The following RRM1 variants were observed in gnomAD, a reference collection of about 807,000 sequenced individuals.
RRM1 encodes ribonucleoside-diphosphate reductase large subunit.
Under a neutral mutation model 101.5 loss-of-function variants are expected in RRM1, and 19 were observed. The ratio of observed to expected loss-of-function variants is 0.19; its 90% CI spans 0.13 to 0.27. The LOEUF is 0.27. Among genes scored for constraint, RRM1 ranks in the 10% least tolerant of loss-of-function variants. The pLI is 1.00. For missense variants in RRM1, 500 were observed against 962.9 expected, an observed-to-expected ratio of 0.52 and a Z score of 6.36; for synonymous variants, 298 against 323.4, an observed-to-expected ratio of 0.92 and a Z score of 0.84.
At chr11:4,111,283 C>T (rs908343235) in intron 5 of RRM1, among the ~76,000 whole-genome samples, 2 of 151,562 alleles carry the variant, frequency 1.3e-5, no homozygotes, top group East Asian at 1.9e-4. Context: ...TGGTGGTGGG[C>T]GCCTGTAGTC....
At chr11:4,137,574 G>A (rs868074560) in intron 18 of RRM1, among the ~76,000 whole-genome samples, 2,460 of 20,454 alleles carry the variant, frequency 0.12, 939 homozygotes, top group East Asian at 0.44. Flanking sequence ...GGGCGGCCGG[G>A]CAGAGGGGCC....
intron 4 of RRM1, among the ~76,000 whole-genome samples, chr11:4,107,997 G>T (rs1326361032): frequency 2.0e-5 from 3 of 152,042 alleles, no homozygotes; most frequent in African/African-American, 7.2e-5. Flanking sequence ...TTGTATGGTA[G>T]GTGTTTTGCT....
rs540071392 is a variant in RRM1, at chr11:4,109,171, A to G, written c.388-473A>G. Among the ~76,000 whole-genome samples, 22 of 151,940 alleles carry G rather than the reference A, an allele frequency of 1.4e-4. 1 individual carries two copies. The highest frequency in any genetic ancestry group is 1.2e-3 in the South Asian group (6 of 4,830). On this transcript the variant is annotated intron_variant, in intron 4 of 18. Coordinates refer to ENST00000300738, the MANE Select transcript of RRM1 (RefSeq NM_001033.5). ...CCTGCTTCCTGTCATTGTTTATTAT[A>G]TATACTGTTATATACAGTTTGAAGT...
chr11:4,113,830 A>G (rs1469822987), intron 7 of RRM1, among the ~76,000 whole-genome samples: 1 of 152,178 alleles, frequency 6.6e-6, no homozygotes, highest in African/African-American at 2.4e-5. Flanking sequence ...AGTACCCTAT[A>G]AAAGATAAAA....
Position 4,127,065 on chromosome 11 carries a change from A to G in RRM1, c.1501A>G (p.Ile501Val). The change falls in exon 14 of 19, where the codon ATT becomes GTT. Residue 501 changes from isoleucine (I) to valine (V), a missense_variant. Ile to Val is a conservative substitution (Grantham distance 29). This residue lies in a region of RRM1 where 106 missense variants were observed against 138.1 expected (regional missense o/e 0.77). Coordinates refer to ENST00000300738, the MANE Select transcript of RRM1 (RefSeq NM_001033.5). ...CCTATCAAATAAACGCCATCGCCCC[A>G]TTGGAATTGGGGTACAAGGTCTGGC... Reference protein sequence around the residue: ...ACLSNKRHRPIGIGVQGLADA... With the variant: ...ACLSNKRHRPVGIGVQGLADA... 3.1e-6 allele frequency: 5 copies of G among 1,613,158 alleles called. No individual in the cohort carries two copies. Among genetic ancestry groups the G allele is most frequent in the Non-Finnish European group, 4.2e-6 (5 of 1,179,770 alleles).
At chr11:4,137,243 G>A (rs1218689096) in intron 18 of RRM1, 2 of 254,618 alleles carry the variant, frequency 7.9e-6, no homozygotes, top group African/African-American at 2.4e-5. Context: ...ATTCCACAAA[G>A]CCGCCATTGT....
chr11:4,118,278 T>A, intron 7 of RRM1, 42 bp from the exon 8 acceptor site: 1 of 1,588,576 alleles, frequency 6.3e-7, no homozygotes, highest in Non-Finnish European at 8.6e-7. Context: ...GTGACTCTGC[T>A]TCATTTCCTT....
At chr11:4,135,442 T>G (rs2094607818) in intron 18 of RRM1, among the ~76,000 whole-genome samples, 172 bp downstream of exon 18, 1 of 152,236 alleles carries the variant, frequency 6.6e-6, no homozygotes, top group Admixed American at 6.5e-5. Flanking sequence ...GGTCTTGCCT[T>G]GGATTTTCTT....
In RRM1 at chr11:4,108,261, C is replaced by T. The variant is rs1389989590; in HGVS notation, c.387+726C>T. ...CCTTTTACACACAGGATTTATTTAC[C>T]GTGTATATCTGGACAGATTAGAGAC... On this transcript the variant is annotated intron_variant, in intron 4 of 18. Coordinates refer to ENST00000300738, the MANE Select transcript of RRM1 (RefSeq NM_001033.5). 2.0e-5 allele frequency among the ~76,000 whole-genome samples: 3 copies of T among 152,042 alleles called. 1 individual carries two copies. The South Asian group carries it at 6.2e-4, about 32-fold the overall frequency.
At chr11:4,096,879 T>C (rs539950355) in intron 1 of RRM1, among the ~76,000 whole-genome samples, 209 of 152,154 alleles carry the variant, frequency 1.4e-3, no homozygotes, top group Non-Finnish European at 2.5e-3. Flanking sequence ...GTAACAAAGA[T>C]GAATTGAAAA....
chr11:4,096,833 A>G (rs2094544217), intron 1 of RRM1, among the ~76,000 whole-genome samples: 1 of 151,992 alleles, frequency 6.6e-6, no homozygotes, highest in Non-Finnish European at 1.5e-5. Context: ...ATCTTTAGAT[A>G]TGGGAGAGAT....
chr11:4,135,328 A>T (rs1171446031), intron 18 of RRM1, 58 bp downstream of exon 18: 1 of 1,359,372 alleles, frequency 7.4e-7, no homozygotes, highest in Non-Finnish European at 1.0e-6. Context: ...TTGGCATTGG[A>T]ATGATTTTAT....
intron 18 of RRM1, chr11:4,137,403 C>CA (rs1474315629): frequency 8.9e-4 from 114 of 127,558 alleles, no homozygotes; most frequent in African/African-American, 1.9e-3. Flanking sequence ...GGGGGGCTGA[C>CA]CCCCCACCTC....
chr11:4,105,907 T>G, intron 2 of RRM1, 139 bp from the exon 3 acceptor site: 1 of 669,334 alleles, frequency 1.5e-6, no homozygotes, highest in Non-Finnish European at 2.6e-6. Flanking sequence ...TTAAGTGATC[T>G]CCTCACCTCA....
intron 17 of RRM1, 139 bp downstream of exon 17, chr11:4,133,797 AT>A: frequency 1.9e-6 from 1 of 539,480 alleles, no homozygotes; most frequent in Non-Finnish European, 3.3e-6. Flanking sequence ...TCACCTCTGC[AT>A]TGTTGTGCTA....
At chr11:4,121,458 A>G (rs2094581780) in intron 9 of RRM1, 146 bp from the exon 10 acceptor site, 1 of 499,862 alleles carries the variant, frequency 2.0e-6, no homozygotes, top group African/African-American at 2.0e-5. Context: ...TATATGGAAA[A>G]CTTACACTTT....
At chr11:4,130,088 T>TA (rs1235882420) in intron 15 of RRM1, among the ~76,000 whole-genome samples, 124 of 48,168 alleles carry the variant, frequency 2.6e-3, no homozygotes, top group African/African-American at 9.5e-3. Flanking sequence ...ATATATATAT[T>TA]TTTTTTTTTT....
intron 1 of RRM1, among the ~76,000 whole-genome samples, chr11:4,098,792 A>G (rs2094546970): frequency 6.6e-6 from 1 of 152,212 alleles, no homozygotes; most frequent in Non-Finnish European, 1.5e-5. Context: ...TATATAAGAA[A>G]TAAGAAGTAA....
intron 8 of RRM1, 122 bp downstream of exon 8, chr11:4,118,583 T>A: frequency 1.1e-6 from 1 of 941,646 alleles, no homozygotes; most frequent in Non-Finnish European, 1.6e-6. Flanking sequence ...ACTAAATGGC[T>A]ATGTGACTTG....
Sources: allele counts gnomAD v4.1 joint callset (sites outside exome capture counted in the v4.1 genomes callset), GRCh38; gene constraint gnomAD v4.1.1; regional missense constraint gnomAD v4.1.1; transcripts MANE v1.5; gene names NCBI Gene and HGNC (gene_info 2026-07-23, HGNC 2026-07-21).